Variants in TNIK observed in about 807,000 individuals in gnomAD.
The protein encoded by TNIK is TRAF2 and NCK interacting kinase.
A neutral mutation model predicts 191.3 loss-of-function variants in TNIK; 49 were observed. That is an observed-to-expected ratio of 0.26 (90% CI 0.20 to 0.32). The LOEUF is 0.32. Ranked by LOEUF, TNIK falls within the 10% of genes least tolerant of loss-of-function variation. The pLI, the probability that TNIK is intolerant of heterozygous loss-of-function variation, is 1.00. For missense variants in TNIK, 1,155 were observed against 1,702.3 expected, an observed-to-expected ratio of 0.68 and a Z score of 5.66; for synonymous variants, 594 against 600.9, an observed-to-expected ratio of 0.99 and a Z score of 0.17.
chr3:171,155,379 A>G (rs538856183), intron 12 of TNIK, among the ~76,000 whole-genome samples: 1 of 152,338 alleles, frequency 6.6e-6, no homozygotes, highest in East Asian at 1.9e-4. Flanking sequence ...GTTCTTCTCC[A>G]CTGCGCTATA....
chr3:171,145,680 A>G (rs746977465), intron 12 of TNIK, among the ~76,000 whole-genome samples: 2 of 152,114 alleles, frequency 1.3e-5, no homozygotes, highest in Non-Finnish European at 2.9e-5. Flanking sequence ...TGCAGAGAAT[A>G]TCACCTCAAC....
chr3:171,456,348 C>T (rs1728795561), intron 1 of TNIK, among the ~76,000 whole-genome samples: 1 of 152,142 alleles, frequency 6.6e-6, no homozygotes, highest in African/African-American at 2.4e-5. Flanking sequence ...TGACTCAAGC[C>T]CCAGGTTTGA....
At chr3:171,278,874 T>C (rs369307408) in intron 2 of TNIK, among the ~76,000 whole-genome samples, 30 of 152,326 alleles carry the variant, frequency 2.0e-4, no homozygotes, top group African/African-American at 7.2e-4. Context: ...TTAGAGGGTA[T>C]AGAATTGTAT....
intron 1 of TNIK, among the ~76,000 whole-genome samples, chr3:171,379,865 T>G (rs1387546839): frequency 6.6e-6 from 1 of 151,972 alleles, no homozygotes; most frequent in Non-Finnish European, 1.5e-5. Context: ...AAAAATTAGC[T>G]GGGCGTGGTG....
intron 2 of TNIK, among the ~76,000 whole-genome samples, chr3:171,319,679 G>A (rs1239021093): frequency 6.6e-6 from 1 of 152,172 alleles, no homozygotes; most frequent in African/African-American, 2.4e-5. Context: ...AATCAAGTTT[G>A]TTAAAATTCC....
chr3:171,411,602 G>A (rs548653821), intron 1 of TNIK, among the ~76,000 whole-genome samples: 5 of 152,052 alleles, frequency 3.3e-5, no homozygotes, highest in South Asian at 4.1e-4. Context: ...TCTTCCAAGC[G>A]GAAATGAATA....
intron 2 of TNIK, among the ~76,000 whole-genome samples, chr3:171,270,861 T>C (rs1049774516): frequency 2.0e-5 from 3 of 152,232 alleles, no homozygotes; most frequent in Non-Finnish European, 4.4e-5. Flanking sequence ...AGTTAACAGA[T>C]GTAAAGTGAT....
chr3:171,232,856 A>G (rs1743827924), intron 2 of TNIK, among the ~76,000 whole-genome samples: 1 of 152,234 alleles, frequency 6.6e-6, no homozygotes, highest in Non-Finnish European at 1.5e-5. Context: ...TACGATTAAT[A>G]CAATACCCTA....
At chr3:171,255,336 T>C (rs1746723005) in intron 2 of TNIK, among the ~76,000 whole-genome samples, 1 of 152,176 alleles carries the variant, frequency 6.6e-6, no homozygotes, top group African/African-American at 2.4e-5. Context: ...AAACAGTAGA[T>C]TTTTCTAAAG....
intron 2 of TNIK, among the ~76,000 whole-genome samples, chr3:171,323,710 TTAAAAA>T (rs1252581927): frequency 6.6e-6 from 1 of 152,080 alleles, no homozygotes; most frequent in East Asian, 1.9e-4. Flanking sequence ...TGAAAATTCT[TTAAAAA>T]TAAACAGTGT....
intron 3 of TNIK, among the ~76,000 whole-genome samples, chr3:171,224,651 C>T (rs1212529719): frequency 1.3e-5 from 2 of 152,154 alleles, no homozygotes; most frequent in African/African-American, 4.8e-5. Flanking sequence ...ATTTGCATTT[C>T]TCATGAGTAC....
At chr3:171,265,592 G>A (rs1416210946) in intron 2 of TNIK, among the ~76,000 whole-genome samples, 2 of 152,218 alleles carry the variant, frequency 1.3e-5, no homozygotes, top group Non-Finnish European at 2.9e-5. Flanking sequence ...CTTTGCATTT[G>A]CAATTCAAGC....
intron 27 of TNIK, 107 bp from the exon 28 acceptor site, chr3:171,079,759 G>GTA: frequency 2.3e-6 from 3 of 1,288,740 alleles, no homozygotes; most frequent in Non-Finnish European, 3.1e-6. Flanking sequence ...GTGTGTGTGT[G>GTA]TGTATGAAGG....
At chr3:171,083,432 G>A (rs1025800950) in intron 26 of TNIK, among the ~76,000 whole-genome samples, 4 of 152,130 alleles carry the variant, frequency 2.6e-5, no homozygotes, top group Admixed American at 2.6e-4. Flanking sequence ...TCCAAGCCTA[G>A]TATTTTCAGT....
At chr3:171,147,710 A>G (rs1215383169) in intron 12 of TNIK, among the ~76,000 whole-genome samples, 1 of 152,144 alleles carries the variant, frequency 6.6e-6, no homozygotes, top group African/African-American at 2.4e-5. Flanking sequence ...TTTAATTCTC[A>G]CCAGAACCCT....
chr3:171,170,659 T>G (rs1472270390), intron 9 of TNIK, among the ~76,000 whole-genome samples: 1 of 152,190 alleles, frequency 6.6e-6, no homozygotes, highest in Non-Finnish European at 1.5e-5. Context: ...TGTTTGCTAT[T>G]ATGATGATGA....
At chr3:171,120,395 A>T (rs1727511921) in intron 18 of TNIK, among the ~76,000 whole-genome samples, 1 of 140,938 alleles carries the variant, frequency 7.1e-6, no homozygotes, top group Non-Finnish European at 1.5e-5. Context: ...ATCTCGGCTC[A>T]CTGCAAGCTC....
intron 2 of TNIK, among the ~76,000 whole-genome samples, chr3:171,268,062 G>A (rs985974403): frequency 3.9e-5 from 6 of 152,078 alleles, no homozygotes; most frequent in Non-Finnish European, 7.4e-5. Context: ...CTGGAAAACC[G>A]TCTCAAAACT....
At chr3:171,199,827 A>G (rs962941024) in intron 4 of TNIK, among the ~76,000 whole-genome samples, 7 of 152,208 alleles carry the variant, frequency 4.6e-5, no homozygotes, top group Admixed American at 3.3e-4. Flanking sequence ...AGCAGCCAAA[A>G]ATCTCAAGAT....
Sources: allele counts gnomAD v4.1 joint callset (sites outside exome capture counted in the v4.1 genomes callset), GRCh38; gene constraint gnomAD v4.1.1; transcripts MANE v1.5; gene names NCBI Gene and HGNC (gene_info 2026-07-23, HGNC 2026-07-21).